LDLRAD4: variants seen among roughly 807,000 people sequenced by gnomAD.
LDLRAD4 encodes the protein low-density lipoprotein receptor class A domain-containing protein 4.
A neutral mutation model predicts 17.0 loss-of-function variants in LDLRAD4; 5 were observed. That is an observed-to-expected ratio of 0.29 (90% CI 0.15 to 0.62). The LOEUF (loss-of-function observed/expected upper bound fraction) is 0.62, where lower values mean the gene tolerates loss of function less well. Ranked by LOEUF, LDLRAD4 falls within the 20% of genes least tolerant of loss-of-function variation. The probability of loss-of-function intolerance (pLI) is 0.84; values close to 1 mark genes in which losing one functional copy is unlikely to be tolerated. For missense variants in LDLRAD4, 340 were observed against 424.7 expected (o/e 0.80, Z 1.75); for synonymous variants, 168 against 171.8 (o/e 0.98, Z 0.17).
At chr18:13,255,287 C>T (rs2043443895) in intron 1 of LDLRAD4, among the ~76,000 whole-genome samples, 1 of 152,124 alleles carries the variant, frequency 6.6e-6, no homozygotes, top group Non-Finnish European at 1.5e-5. Context: ...CTGGGAGAGG[C>T]AGAGGCAGAC....
chr18:13,272,534 G>A (rs574089548), intron 1 of LDLRAD4, among the ~76,000 whole-genome samples: 31 of 152,328 alleles, frequency 2.0e-4, no homozygotes, highest in Admixed American at 1.8e-3. Flanking sequence ...CCTGGCTTTC[G>A]CCTCTGTCTC....
At chr18:13,304,387 G>A (rs1242695908) in intron 1 of LDLRAD4, among the ~76,000 whole-genome samples, 2 of 152,244 alleles carry the variant, frequency 1.3e-5, no homozygotes, top group Non-Finnish European at 2.9e-5. Flanking sequence ...GTTGAAGAGT[G>A]CAGAGATGGG....
At chr18:13,227,542 C>T (rs897726220) in intron 1 of LDLRAD4, among the ~76,000 whole-genome samples, 3 of 152,156 alleles carry the variant, frequency 2.0e-5, no homozygotes, top group Non-Finnish European at 4.4e-5. Flanking sequence ...TCCCACAGGA[C>T]CTGGTGGGCC....
intron 1 of LDLRAD4, among the ~76,000 whole-genome samples, chr18:13,313,091 G>A (rs1332157919): frequency 1.3e-5 from 2 of 152,158 alleles, no homozygotes; most frequent in African/African-American, 4.8e-5. Flanking sequence ...ATTTTTGCAG[G>A]TCACATGCTA....
intron 3 of LDLRAD4, among the ~76,000 whole-genome samples, chr18:13,576,347 G>C (rs2094770217): frequency 6.6e-6 from 1 of 150,864 alleles, no homozygotes; most frequent in Non-Finnish European, 1.5e-5. Context: ...GCGTGAACCT[G>C]GGAGGTGGAG....
chr18:13,416,590 C>T (rs1459526441), intron 2 of LDLRAD4, among the ~76,000 whole-genome samples: 2 of 152,198 alleles, frequency 1.3e-5, no homozygotes, highest in African/African-American at 4.8e-5. Flanking sequence ...CTTCTGACAT[C>T]TGTGTTTCTT....
intron 1 of LDLRAD4, among the ~76,000 whole-genome samples, chr18:13,377,751 C>T (rs1013847296): frequency 1.3e-5 from 2 of 152,192 alleles, no homozygotes; most frequent in African/African-American, 2.4e-5. Context: ...AAGAGCTTCG[C>T]GAGCGTGACC....
intron 3 of LDLRAD4, among the ~76,000 whole-genome samples, chr18:13,571,123 C>T (rs1048696718): frequency 1.3e-5 from 2 of 152,138 alleles, no homozygotes; most frequent in South Asian, 4.2e-4. Flanking sequence ...CCTGGCATGC[C>T]CTTTCTAAGT....
At chr18:13,422,495 A>C (rs143347112) in intron 2 of LDLRAD4, among the ~76,000 whole-genome samples, 311 of 151,964 alleles carry the variant, frequency 2.0e-3, no homozygotes, top group African/African-American at 7.3e-3. Flanking sequence ...CCAGGAGTTC[A>C]AGACCAGCCT....
At chr18:13,642,835 C>T (rs2042700239) in intron 4 of LDLRAD4, 2 of 877,198 alleles carry the variant, frequency 2.3e-6, no homozygotes, top group African/African-American at 3.4e-5. Flanking sequence ...CTTTTGTTCA[C>T]AGCCCTCCAT....
chr18:13,485,440 A>AC (rs897600015), intron 3 of LDLRAD4, among the ~76,000 whole-genome samples: 1 of 152,002 alleles, frequency 6.6e-6, no homozygotes, highest in Admixed American at 6.5e-5. Context: ...GGGCATGATG[A>AC]CCCTGTCTGC....
chr18:13,443,885 G>A (rs2091207927), intron 3 of LDLRAD4, among the ~76,000 whole-genome samples: 1 of 152,168 alleles, frequency 6.6e-6, no homozygotes, highest in Admixed American at 6.5e-5. Flanking sequence ...GAGGTCTGGG[G>A]AGACTCAGGT....
intron 1 of LDLRAD4, among the ~76,000 whole-genome samples, chr18:13,320,167 GT>G (rs2081140812): frequency 6.6e-6 from 1 of 152,114 alleles, no homozygotes; most frequent in African/African-American, 2.4e-5. Context: ...TTTATACATC[GT>G]TTCTGTTTAC....
chr18:13,496,689 C>G (rs1290334932), intron 3 of LDLRAD4, among the ~76,000 whole-genome samples: 2 of 152,158 alleles, frequency 1.3e-5, no homozygotes, highest in Non-Finnish European at 2.9e-5. Context: ...GTATCAGAGT[C>G]AAAGTCCCCC....
At chr18:13,223,049 C>T (rs1220742796) in intron 1 of LDLRAD4, among the ~76,000 whole-genome samples, 2 of 152,214 alleles carry the variant, frequency 1.3e-5, no homozygotes, top group African/African-American at 4.8e-5. Context: ...GGAAGCTCAG[C>T]TGGCAGAGTG....
At chr18:13,502,183 C>T (rs2093625112) in intron 3 of LDLRAD4, among the ~76,000 whole-genome samples, 2 of 152,242 alleles carry the variant, frequency 1.3e-5, no homozygotes, top group South Asian at 4.1e-4. Context: ...TTTTCTTTAG[C>T]TCCTGACTTA....
intron 3 of LDLRAD4, among the ~76,000 whole-genome samples, chr18:13,600,873 C>G (rs2095152875): frequency 6.6e-6 from 1 of 152,138 alleles, no homozygotes; most frequent in Non-Finnish European, 1.5e-5. Context: ...GAGGACTCTA[C>G]ATTTTTATTA....
intron 1 of LDLRAD4, among the ~76,000 whole-genome samples, chr18:13,327,913 C>T (rs74515424): frequency 6.6e-6 from 1 of 152,120 alleles, no homozygotes; most frequent in Admixed American, 6.5e-5. Flanking sequence ...ATCCTAAGCT[C>T]CCAGCCAAAT....
chr18:13,542,918 A>C (rs373379382), intron 3 of LDLRAD4: 9 of 152,116 alleles, frequency 5.9e-5, no homozygotes, highest in African/African-American at 2.2e-4. Flanking sequence ...AGTCCTTCTG[A>C]TATTTTCCTT....
Sources: allele counts gnomAD v4.1 joint callset (sites outside exome capture counted in the v4.1 genomes callset), GRCh38; gene constraint gnomAD v4.1.1; transcripts MANE v1.5; gene names NCBI Gene and HGNC (gene_info 2026-07-23, HGNC 2026-07-21).